Variants in AMTN observed in about 807,000 individuals in gnomAD.
AMTN encodes the protein amelotin, also known as RSTI689.
AMTN carries 29 observed loss-of-function variants against 27.4 expected under a neutral mutation model. The observed-to-expected ratio is 1.06, with a 90% confidence interval of 0.79 to 1.44. AMTN has a LOEUF of 1.44. Ranked by LOEUF, AMTN falls within the 40% of genes most tolerant of loss-of-function variation. The probability of loss-of-function intolerance (pLI) is 0.00; values close to 1 mark genes in which losing one functional copy is unlikely to be tolerated. For missense variants in AMTN, 247 were observed against 248.8 expected (o/e 0.99, Z 0.05); for synonymous variants, 86 against 95.7 (o/e 0.90, Z 0.59).
At chr4:70,524,075 G>C in intron 4 of AMTN, 142 bp downstream of exon 4, 1 of 638,054 alleles carries the variant, frequency 1.6e-6, no homozygotes, top group East Asian at 2.8e-5. Flanking sequence ...TAAGTTGAAA[G>C]AGAGGAGAGA....
In AMTN at chr4:70,531,316, T is replaced by C. The variant is rs980246792; in HGVS notation, c.619+16T>C. 3.7e-6 allele frequency: 6 copies of C among 1,612,688 alleles called. No individual in the cohort carries two copies. Among genetic ancestry groups the C allele is most frequent in the Middle Eastern group, 1.6e-4 (1 of 6,068 alleles). On this transcript the variant is annotated intron_variant, in intron 8 of 8. Transcript: ENST00000339336. ...TCAGCAAATGGTAAATTCTCCTAGCTTGGAACATGCTTCTTGGCTATAAAA... is the reference window on the plus strand; with the variant it reads ...TCAGCAAATGGTAAATTCTCCTAGCCTGGAACATGCTTCTTGGCTATAAAA...
intron 8 of AMTN, 105 bp downstream of exon 8, chr4:70,531,405 G>A: frequency 6.9e-7 from 1 of 1,445,606 alleles, no homozygotes; most frequent in Non-Finnish European, 9.4e-7. Flanking sequence ...ATCTTAGTAA[G>A]ATTAGGAAGC....
chr4:70,531,908 G>A (rs895781731), intron 8 of AMTN, among the ~76,000 whole-genome samples: 41 of 152,224 alleles, frequency 2.7e-4, no homozygotes, highest in African/African-American at 8.7e-4. Context: ...TGCCTGCCTC[G>A]GCCTCCCAAA....
chr4:70,532,230 T>A (rs1263531811), intron 8 of AMTN, among the ~76,000 whole-genome samples: 1 of 152,152 alleles, frequency 6.6e-6, no homozygotes, highest in Non-Finnish European at 1.5e-5. Context: ...CTGCCGTTCT[T>A]AGATGGAACC....
intron 7 of AMTN, among the ~76,000 whole-genome samples, chr4:70,530,221 G>GCACA (rs3223259): frequency 4.7e-5 from 7 of 150,206 alleles, no homozygotes; most frequent in Admixed American, 2.7e-4. Context: ...ATGCAGCTTA[G>GCACA]CACACACACA....
chr4:70,523,723 A>G (rs997094176), intron 3 of AMTN, 145 bp from the exon 4 acceptor site: 4 of 671,794 alleles, frequency 6.0e-6, no homozygotes. Flanking sequence ...AATGCTAGTG[A>G]GAGGCCCCGA....
rs777762838 is a variant in AMTN at position 70,528,728 on chromosome 4, A to G, written c.300A>G (p.Leu100=). 3 of 1,607,688 alleles carry G rather than the reference A, an allele frequency of 1.9e-6. No homozygotes were observed. Among genetic ancestry groups the G allele is most frequent in the Non-Finnish European group, 2.5e-6 (3 of 1,177,950 alleles). The change falls in exon 6 of 9, where the codon TTA becomes TTG. Residue 100 remains leucine, a synonymous_variant. Coordinates refer to ENST00000339336, the MANE Select transcript of AMTN (RefSeq NM_212557.4). ...TTTTTCTCTCATTTTTTCAGGTGTTACCAATTTTTGTCACACAACTTGGAG... is the reference window on the plus strand; with the variant it reads ...TTTTTCTCTCATTTTTTCAGGTGTTGCCAATTTTTGTCACACAACTTGGAG... ...NVQQQLHPHV[L]PIFVTQLGAQ...
chr4:70,531,764 G>A (rs903315298), intron 8 of AMTN, among the ~76,000 whole-genome samples: 7 of 152,080 alleles, frequency 4.6e-5, no homozygotes, highest in African/African-American at 1.2e-4. Flanking sequence ...CACCCACCTC[G>A]GCCTCCCAAA....
intron 8 of AMTN, among the ~76,000 whole-genome samples, chr4:70,532,056 G>A (rs984287353): frequency 2.0e-5 from 3 of 152,100 alleles, no homozygotes; most frequent in Non-Finnish European, 2.9e-5. Flanking sequence ...ACACACACAC[G>A]CACATAGAAG....
chr4:70,527,993 T>C (rs1006567739), intron 5 of AMTN, among the ~76,000 whole-genome samples: 6 of 152,208 alleles, frequency 3.9e-5, no homozygotes, highest in Non-Finnish European at 5.9e-5. Context: ...AGACAACTAT[T>C]GCAAGACTAA....
intron 7 of AMTN, among the ~76,000 whole-genome samples, chr4:70,529,571 G>T (rs543365394): frequency 6.6e-6 from 1 of 152,148 alleles, no homozygotes; most frequent in Admixed American, 6.5e-5. Context: ...TTACAGGAAA[G>T]ATTAAATTCC....
In AMTN at chr4:70,518,771, C is replaced by T. The variant is rs28674149; in HGVS notation, c.-7C>T. 1,440,280 of 1,594,978 alleles carry T rather than the reference C, an allele frequency of 0.9. 651,668 individuals are homozygous for T. The highest frequency in any genetic ancestry group is 0.97 in the African/African-American group (72,792 of 74,732). ...CTTTTTTGTTGTTGTAGGTAGCAATCTGAAACATGAGGAGTACGATTCTAC... is the reference window on the plus strand; with the variant it reads ...CTTTTTTGTTGTTGTAGGTAGCAATTTGAAACATGAGGAGTACGATTCTAC... On this transcript the variant is annotated 5_prime_UTR_variant, in exon 2 of 9. Transcript: ENST00000339336.
In AMTN at chr4:70,531,095, CACCA is replaced by C. The variant is rs1315388366; in HGVS notation, c.415_418del (p.Thr139ValfsTer21). 6.2e-6 allele frequency: 10 copies of C among 1,613,934 alleles called. No homozygotes were observed. Among genetic ancestry groups the C allele is most frequent in the Non-Finnish European group, 8.5e-6 (10 of 1,180,004 alleles). On this transcript the variant is annotated frameshift_variant, in exon 8 of 9. Transcript: ENST00000339336. LOFTEE classifies it high-confidence loss of function. ...CCTTGTTCCCGGGAGGCATCCTGCC[CACCA>C]GTCAGGCAGGGGCTAATCCAGATGT...
chr4:70,525,045 C>T, intron 5 of AMTN, 84 bp downstream of exon 5: 1 of 1,329,686 alleles, frequency 7.5e-7, no homozygotes, highest in Non-Finnish European at 1.1e-6. Flanking sequence ...TTTTTTAAAG[C>T]TTCTTGAAAA....
In AMTN at chr4:70,532,485, A is replaced by G. The variant is rs754599465; in HGVS notation, c.*20A>G. The G allele has an allele frequency of 6.2e-7, 1 of 1,607,250 alleles. No individual in the cohort carries two copies. The highest frequency in any genetic ancestry group is 1.1e-5 in the South Asian group (1 of 89,872). The stretch of plus-strand genomic sequence containing the variant: ...CAGTAAGCTGTTTCAAATTTTTTCA[A>G]CTAAGCTGCCTCGAATTTGGTGATA... On this transcript the variant is annotated 3_prime_UTR_variant, in exon 9 of 9. Coordinates refer to ENST00000339336, the MANE Select transcript of AMTN (RefSeq NM_212557.4).
chr4:70,521,640 C>CTTTTTTTTTTTTTTTTTTTTTTTT (rs763143860), intron 2 of AMTN, among the ~76,000 whole-genome samples: 4 of 76,468 alleles, frequency 5.2e-5, no homozygotes, highest in Admixed American at 1.6e-4. Context: ...ACCAACCTCT[C>CTTTTTTTTTTTTTTTTTTTTTTTT]TTTTTTTTTT....
chr4:70,525,705 G>A (rs1736087506), intron 5 of AMTN, among the ~76,000 whole-genome samples: 1 of 152,078 alleles, frequency 6.6e-6, no homozygotes, highest in African/African-American at 2.4e-5. Flanking sequence ...AGACCAGCCT[G>A]GGCAACATAG....
chr4:70,528,094 C>T (rs759875501), intron 5 of AMTN, among the ~76,000 whole-genome samples: 2 of 152,154 alleles, frequency 1.3e-5, no homozygotes, highest in Non-Finnish European at 2.9e-5. Flanking sequence ...GAAATCTGTA[C>T]ATTTTAACAT....
chr4:70,518,999 T>A (rs1428690805), intron 2 of AMTN, among the ~76,000 whole-genome samples, 168 bp downstream of exon 2: 31 of 152,230 alleles, frequency 2.0e-4, no homozygotes, highest in Admixed American at 2.0e-3. Context: ...TAATAAGCTG[T>A]TGGTACATAT....
Sources: gnomAD v4.1 joint callset for allele counts (sites outside exome capture counted in the v4.1 genomes callset) on GRCh38, gnomAD v4.1.1 for gene constraint, MANE v1.5 for transcripts, NCBI Gene and HGNC (gene_info 2026-07-23, HGNC 2026-07-21) for gene names.